Variants in ZNF365 observed in about 807,000 individuals in gnomAD.
ZNF365 encodes zinc finger protein 365.
Under a neutral mutation model 35.0 loss-of-function variants are expected in ZNF365, and 22 were observed. The observed-to-expected ratio is 0.63, with a 90% CI of 0.45 to 0.90. The LOEUF (loss-of-function observed/expected upper bound fraction) is 0.90, where lower values mean the gene tolerates loss of function less well. ZNF365 is among the 40% of genes least tolerant of loss of function. The pLI is 0.00. For synonymous variants in ZNF365, 188 were observed against 196.2 expected, an observed-to-expected ratio of 0.96 and a Z score of 0.35; for missense variants, 448 against 500.3, an observed-to-expected ratio of 0.90 and a Z score of 1.00.
intron 4 of ZNF365, among the ~76,000 whole-genome samples, chr10:62,471,303 T>C (rs2132490490): frequency 6.6e-6 from 1 of 151,322 alleles, no homozygotes; most frequent in Non-Finnish European, 1.5e-5. Context: ...GAGGCGGAGC[T>C]TGCAGTGAGC....
At chr10:62,459,171 G>C (rs1460163626) in intron 3 of ZNF365, among the ~76,000 whole-genome samples, 1 of 152,166 alleles carries the variant, frequency 6.6e-6, no homozygotes, top group Non-Finnish European at 1.5e-5. Context: ...CTGCCTAGTG[G>C]GCTTCAAATT....
intron 3 of ZNF365, among the ~76,000 whole-genome samples, chr10:62,441,658 C>T (rs868030247): frequency 2.0e-5 from 3 of 152,290 alleles, no homozygotes; most frequent in South Asian, 4.1e-4. Context: ...TATCACTTGG[C>T]ATTTCATCTG....
At chr10:62,439,332 G>C (rs1004039277) in intron 3 of ZNF365, among the ~76,000 whole-genome samples, 2 of 151,076 alleles carry the variant, frequency 1.3e-5, no homozygotes, top group African/African-American at 4.9e-5. Context: ...TCACGTGATT[G>C]AGCAATTGAT....
intron 3 of ZNF365, among the ~76,000 whole-genome samples, chr10:62,430,068 C>T (rs1166891498): frequency 6.6e-6 from 1 of 152,078 alleles, no homozygotes; most frequent in East Asian, 1.9e-4. Context: ...ATTGATCCAA[C>T]TAATAATTTA....
At chr10:62,458,546 G>A (rs1840797274) in intron 3 of ZNF365, among the ~76,000 whole-genome samples, 1 of 151,948 alleles carries the variant, frequency 6.6e-6, no homozygotes, top group South Asian at 2.1e-4. Context: ...GTATGTGGGT[G>A]CATGCACATG....
At chr10:62,438,982 C>T (rs902210115) in intron 3 of ZNF365, among the ~76,000 whole-genome samples, 1 of 152,174 alleles carries the variant, frequency 6.6e-6, no homozygotes, top group African/African-American at 2.4e-5. Flanking sequence ...GAAATACACA[C>T]ACAAACACAT....
At chr10:62,393,014 C>A (rs1839660726) in intron 3 of ZNF365, among the ~76,000 whole-genome samples, 1 of 150,366 alleles carries the variant, frequency 6.7e-6, no homozygotes. Flanking sequence ...TCTATTTTTA[C>A]ATTTTTTAAT....
At chr10:62,433,710 G>T (rs1180335531) in intron 3 of ZNF365, among the ~76,000 whole-genome samples, 2 of 152,122 alleles carry the variant, frequency 1.3e-5, no homozygotes, top group Admixed American at 6.5e-5. Flanking sequence ...TTAAATCCTG[G>T]ACCCCAATCC....
In ZNF365 at chr10:62,425,155, G is replaced by A. The variant is rs564227796; in HGVS notation, c.925-34586G>A. Reference sequence around the variant, plus strand: ...GATGTATTAACATTTTAAATGTTACGTTTAAGTTCATAAAATTATAAGAAG... The same window carrying A: ...GATGTATTAACATTTTAAATGTTACATTTAAGTTCATAAAATTATAAGAAG... On this transcript the variant is annotated intron_variant, in intron 3 of 4. Coordinates refer to the ZNF365 transcript ENST00000395255. Among the ~76,000 whole-genome samples, 120 of 152,118 alleles carry A rather than the reference G, an allele frequency of 7.9e-4. 1 individual carries two copies. Among genetic ancestry groups the A allele is most frequent in the Middle Eastern group, 3.4e-3 (1 of 292 alleles).
intron 4 of ZNF365, among the ~76,000 whole-genome samples, chr10:62,475,307 C>A (rs140072406): frequency 6.5e-4 from 99 of 152,268 alleles, no homozygotes; most frequent in African/African-American, 2.0e-3. Flanking sequence ...CCTATAGTCC[C>A]ATCTACTCAG....
intron 4 of ZNF365, among the ~76,000 whole-genome samples, chr10:62,477,557 T>C (rs1841153417): frequency 6.6e-6 from 1 of 152,218 alleles, no homozygotes; most frequent in Non-Finnish European, 1.5e-5. Context: ...ATTATCTTAA[T>C]ATTATTAGCA....
In ZNF365 at chr10:62,388,585, C is replaced by A; in HGVS notation, c.924+9C>A. On this transcript the variant is annotated intron_variant, in intron 3 of 4. Transcript: ENST00000395254. ...ATCTCAGCGGGCACGTGGTGAGTCA[C>A]CCCGGGCCAGCCACCGAGTGTAAGA... 2 of 1,612,960 alleles carry A rather than the reference C, an allele frequency of 1.2e-6. No homozygotes were observed. The highest frequency in any genetic ancestry group is 2.2e-5 in the East Asian group (1 of 44,870).
chr10:62,387,418 T>A (rs533049019), intron 2 of ZNF365, among the ~76,000 whole-genome samples: 16 of 152,322 alleles, frequency 1.1e-4, no homozygotes, highest in Admixed American at 1.0e-3. Context: ...ATATTTCTAA[T>A]GGGTTATTTG....
intron 3 of ZNF365, among the ~76,000 whole-genome samples, chr10:62,458,379 T>C (rs1840793850): frequency 6.6e-6 from 1 of 152,166 alleles, no homozygotes; most frequent in Non-Finnish European, 1.5e-5. Context: ...GTCTTCAGCA[T>C]GGTTATGAAT....
chr10:62,455,449 T>C (rs1282703483), intron 3 of ZNF365, among the ~76,000 whole-genome samples: 1 of 152,140 alleles, frequency 6.6e-6, no homozygotes, highest in African/African-American at 2.4e-5. Flanking sequence ...ATAATACATG[T>C]TCAATACAGA....
chr10:62,446,843 G>A (rs539542921), intron 3 of ZNF365, among the ~76,000 whole-genome samples: 1 of 152,240 alleles, frequency 6.6e-6, no homozygotes, highest in Non-Finnish European at 1.5e-5. Flanking sequence ...TGAGTTACTA[G>A]TTTTGATGTG....
intron 3 of ZNF365, among the ~76,000 whole-genome samples, chr10:62,456,947 G>A (rs972288939): frequency 1.3e-5 from 2 of 152,148 alleles, no homozygotes; most frequent in Admixed American, 1.3e-4. Context: ...GGGCTTGTTG[G>A]GGGTTCTGCT....
downstream of ZNF365, among the ~76,000 whole-genome samples, chr10:62,406,352 T>A (rs1372358019): frequency 1.3e-5 from 2 of 152,218 alleles, no homozygotes; most frequent in Admixed American, 1.3e-4. Flanking sequence ...CAGAATACCA[T>A]GTACCTATTC....
chr10:62,435,728 A>G (rs1160799757), intron 3 of ZNF365, among the ~76,000 whole-genome samples: 5 of 152,206 alleles, frequency 3.3e-5, no homozygotes, highest in African/African-American at 9.6e-5. Flanking sequence ...GGATATTTAC[A>G]GCTACATTTC....
Sources: allele counts gnomAD v4.1 joint callset (sites outside exome capture counted in the v4.1 genomes callset), GRCh38; gene constraint gnomAD v4.1.1; transcripts MANE v1.5; gene names NCBI Gene and HGNC (gene_info 2026-07-23, HGNC 2026-07-21).